The following ONECUT1 variants were observed in gnomAD, a reference collection of about 807,000 sequenced individuals.
ONECUT1 encodes the protein one cut homeobox 1, also known as hepatocyte nuclear factor 6.
A neutral mutation model predicts 25.6 loss-of-function variants in ONECUT1; 12 were observed. The ratio of observed to expected loss-of-function variants is 0.47; its 90% CI spans 0.30 to 0.76. The LOEUF (loss-of-function observed/expected upper bound fraction) is 0.76. Among genes scored for constraint, ONECUT1 ranks in the 30% least tolerant of loss-of-function variants. The pLI is 0.07. For missense variants in ONECUT1, 620 were observed against 651.2 expected (o/e 0.95, Z 0.52); for synonymous variants, 285 against 270.2 (o/e 1.05, Z -0.54).
intron 1 of ONECUT1, among the ~76,000 whole-genome samples, chr15:52,768,528 A>C (rs1315659510): frequency 1.3e-5 from 2 of 152,210 alleles, no homozygotes; most frequent in Non-Finnish European, 2.9e-5. Context: ...TCCACAAAAC[A>C]GTCAAAACAA....
intron 1 of ONECUT1, among the ~76,000 whole-genome samples, chr15:52,777,731 C>CAAAAAAAA (rs1370694948): frequency 2.4e-5 from 2 of 84,236 alleles, no homozygotes; most frequent in African/African-American, 1.6e-4. Flanking sequence ...CACACACACA[C>CAAAAAAAA]ACACACAAAA....
At chr15:52,772,561 C>T (rs1216595689) in intron 1 of ONECUT1, among the ~76,000 whole-genome samples, 1 of 152,166 alleles carries the variant, frequency 6.6e-6, no homozygotes, top group Non-Finnish European at 1.5e-5. Flanking sequence ...GGGCCTCCTT[C>T]ATCTTGACTT....
intron 1 of ONECUT1, among the ~76,000 whole-genome samples, chr15:52,777,731 C>CAAAAAAA (rs1370694948): frequency 2.1e-4 from 18 of 84,230 alleles, no homozygotes; most frequent in African/African-American, 1.2e-3. Context: ...CACACACACA[C>CAAAAAAA]ACACACAAAA....
intron 1 of ONECUT1, among the ~76,000 whole-genome samples, chr15:52,764,022 A>G (rs994755765): frequency 5.9e-5 from 9 of 152,256 alleles, no homozygotes; most frequent in African/African-American, 2.2e-4. Flanking sequence ...AAAACATAGT[A>G]TATAGTAACA....
rs1255102126 is a variant in ONECUT1 at position 52,789,135 on chromosome 15, G to A, written c.750C>T (p.His250=). 6.3e-7 allele frequency: 1 copy of A among 1,599,602 alleles called. No individual in the cohort carries two copies. Among genetic ancestry groups the A allele is most frequent in the Admixed American group, 1.7e-5 (1 of 59,940 alleles). ...GMVPINGLPP[H]HPHAHLNAQG... The stretch of plus-strand genomic sequence containing the variant: ...GGGCGTTCAGGTGGGCGTGGGGATG[G>A]TGCGGAGGAAGGCCGTTGATGGGCA... The change falls in exon 1 of 2, where the codon CAC becomes CAT. Residue 250 remains histidine (H), a synonymous_variant. Transcript: ENST00000305901. The surrounding 1 kb of genome is among the most constrained non-coding windows in gnomAD (Gnocchi z 4.1).
intron 1 of ONECUT1, among the ~76,000 whole-genome samples, chr15:52,776,346 A>G (rs1471265593): frequency 6.6e-6 from 1 of 152,170 alleles, no homozygotes; most frequent in African/African-American, 2.4e-5. Context: ...CCCATGCCAG[A>G]AGCAAGGAGC....
chr15:52,767,704 G>T (rs114407841), intron 1 of ONECUT1, among the ~76,000 whole-genome samples: 1 of 152,122 alleles, frequency 6.6e-6, no homozygotes, highest in Admixed American at 6.5e-5. Context: ...CAAGAATTTT[G>T]ATTTCTATCA....
chr15:52,768,038 G>T (rs1216175275), intron 1 of ONECUT1, among the ~76,000 whole-genome samples: 2 of 152,192 alleles, frequency 1.3e-5, no homozygotes, highest in African/African-American at 2.4e-5. Flanking sequence ...AGGCTGGGAA[G>T]GGTAGTGGGG....
In ONECUT1 at chr15:52,789,446, C is replaced by G; in HGVS notation, c.439G>C (p.Gly147Arg). The change falls in exon 1 of 2, where the codon GGT becomes CGT. Residue 147 changes from glycine (G) to arginine (R), a missense_variant. Physicochemically the swap from Gly to Arg is moderately radical, Grantham distance 125. Coordinates refer to ENST00000305901, the MANE Select transcript of ONECUT1 (RefSeq NM_004498.4). This position sits in a 1 kb window ranked among gnomAD's most constrained non-coding sequence, Gnocchi z 4.1. ...HHQRLAGNVSGSFTLMRDERG... is the reference protein window; with the variant it reads ...HHQRLAGNVSRSFTLMRDERG... ...TCATCCCGCATGAGCGTGAAGCTAC[C>G]GCTCACGTTGCCCGCCAGGCGCTGG... 1 of 1,613,796 alleles carries G rather than the reference C, an allele frequency of 6.2e-7. No homozygotes were observed. Among genetic ancestry groups the G allele is most frequent in the Non-Finnish European group, 8.5e-7 (1 of 1,179,986 alleles).
chr15:52,779,688 AATC>A (rs1181408586), intron 1 of ONECUT1, among the ~76,000 whole-genome samples: 3 of 152,206 alleles, frequency 2.0e-5, no homozygotes, highest in African/African-American at 7.2e-5. Flanking sequence ...TTAAATTTAA[AATC>A]ATCTTCCCCT....
At chr15:52,780,873 A>C in intron 1 of ONECUT1, 2 of 1,349,394 alleles carry the variant, frequency 1.5e-6, no homozygotes, top group Non-Finnish European at 1.9e-6. Flanking sequence ...GAAACCGTCG[A>C]TTCTGAATAT....
chr15:52,777,513 T>A (rs2083808404), intron 1 of ONECUT1, among the ~76,000 whole-genome samples: 1 of 152,136 alleles, frequency 6.6e-6, no homozygotes, highest in Non-Finnish European at 1.5e-5. Flanking sequence ...GAAACAAGCT[T>A]TTAGCTTCAT....
chr15:52,763,158 GA>G (rs34153660), intron 1 of ONECUT1, among the ~76,000 whole-genome samples: 25,405 of 152,108 alleles, frequency 0.17, 2,452 homozygotes, highest in Non-Finnish European at 0.22. Context: ...CATTGTTGGT[GA>G]AAGGTAGTAC....
At chr15:52,759,233 A>C (rs2071618680) in intron 1 of ONECUT1, among the ~76,000 whole-genome samples, 1 of 152,100 alleles carries the variant, frequency 6.6e-6, no homozygotes, top group African/African-American at 2.4e-5. Context: ...GCCTCTGTGT[A>C]TTCCAGGTTC....
At chr15:52,785,876 A>G (rs1025229920) in intron 1 of ONECUT1, 2 of 152,208 alleles carry the variant, frequency 1.3e-5, no homozygotes, top group African/African-American at 4.8e-5. Flanking sequence ...CGCCTCCCCA[A>G]ACACAGCGCC....
intron 1 of ONECUT1, among the ~76,000 whole-genome samples, chr15:52,779,971 G>T (rs2083829874): frequency 6.6e-6 from 1 of 152,210 alleles, no homozygotes; most frequent in South Asian, 2.1e-4. Context: ...TTCCTAACAG[G>T]ATGGGTGTTG....
At chr15:52,758,822 C>G (rs1434740276) in intron 1 of ONECUT1, among the ~76,000 whole-genome samples, 1 of 152,150 alleles carries the variant, frequency 6.6e-6, no homozygotes, top group Non-Finnish European at 1.5e-5. Flanking sequence ...TCTTTCCACC[C>G]TAATGAGGCT....
At chr15:52,770,691 T>C (rs1300662094) in intron 1 of ONECUT1, among the ~76,000 whole-genome samples, 2 of 152,212 alleles carry the variant, frequency 1.3e-5, no homozygotes, top group Admixed American at 1.3e-4. Flanking sequence ...TTTTAATTAA[T>C]TTTTTAACGT....
chr15:52,764,133 G>C (rs527307264), intron 1 of ONECUT1, among the ~76,000 whole-genome samples: 2 of 152,288 alleles, frequency 1.3e-5, no homozygotes, highest in South Asian at 4.1e-4. Flanking sequence ...GTGCTGATTG[G>C]ATTATGCAAA....
Sources: allele counts gnomAD v4.1 joint callset (sites outside exome capture counted in the v4.1 genomes callset), GRCh38; gene constraint gnomAD v4.1.1; non-coding constraint Gnocchi (gnomAD v3.1); transcripts MANE v1.5; gene names NCBI Gene and HGNC (gene_info 2026-07-23, HGNC 2026-07-21).